Variants in N4BP2L2 observed in about 807,000 individuals in gnomAD.
N4BP2L2 encodes the protein NEDD4 binding protein 2 like 2.
In N4BP2L2, 50 loss-of-function variants were observed where a neutral mutation model predicts 56.2. The observed-to-expected ratio is 0.89, with a 90% CI of 0.71 to 1.13. N4BP2L2 has a LOEUF of 1.13. Among genes scored for constraint, N4BP2L2 ranks in the 50% most tolerant of loss-of-function variants. N4BP2L2 has a pLI of 0.00. For missense variants in N4BP2L2, 689 were observed against 693.8 expected, an observed-to-expected ratio of 0.99 and a Z score of 0.08; for synonymous variants, 203 against 223.6, an observed-to-expected ratio of 0.91 and a Z score of 0.82.
At chr13:32,486,706 T>A (rs1344292960) in intron 6 of N4BP2L2, among the ~76,000 whole-genome samples, 2 of 145,716 alleles carry the variant, frequency 1.4e-5, no homozygotes, top group East Asian at 4.2e-4. Context: ...AACATAATAA[T>A]AAAAATAAAC....
chr13:32,459,648 C>A (rs895228921), intron 6 of N4BP2L2, among the ~76,000 whole-genome samples: 2 of 152,088 alleles, frequency 1.3e-5, no homozygotes, highest in African/African-American at 4.8e-5. Context: ...ACTCTCCCAA[C>A]AAATAAAAGC....
At chr13:32,468,414 G>A (rs2081634190) in intron 6 of N4BP2L2, among the ~76,000 whole-genome samples, 2 of 152,216 alleles carry the variant, frequency 1.3e-5, no homozygotes, top group South Asian at 4.1e-4. Context: ...GACATTGTAA[G>A]ATAAGGCAGC....
intron 3 of N4BP2L2, 134 bp from the exon 4 acceptor site, chr13:32,522,404 T>A: frequency 2.0e-6 from 1 of 495,308 alleles, no homozygotes; most frequent in South Asian, 4.5e-5. Flanking sequence ...TCAGTCAGTA[T>A]CATGAAAAAA....
intron 6 of N4BP2L2, among the ~76,000 whole-genome samples, chr13:32,447,856 C>G (rs554982005): frequency 2.0e-5 from 3 of 152,094 alleles, no homozygotes; most frequent in Admixed American, 1.3e-4. Context: ...CTAATGCTAA[C>G]AACCCACTAT....
intron 4 of N4BP2L2, 98 bp from the exon 5 acceptor site, chr13:32,521,547 C>T: frequency 1.4e-6 from 1 of 730,670 alleles, no homozygotes; most frequent in Non-Finnish European, 2.3e-6. Context: ...ATACTATACA[C>T]TTGCTCGACC....
intron 6 of N4BP2L2, among the ~76,000 whole-genome samples, chr13:32,471,954 G>T (rs1296580718): frequency 6.6e-6 from 1 of 152,176 alleles, no homozygotes; most frequent in East Asian, 1.9e-4. Flanking sequence ...CATCACCCAT[G>T]AACTATTCTT....
intron 6 of N4BP2L2, among the ~76,000 whole-genome samples, chr13:32,495,154 T>G (rs750949728): frequency 5.9e-5 from 9 of 152,192 alleles, no homozygotes; most frequent in Non-Finnish European, 1.0e-4. Context: ...CTATGGATAC[T>G]CAAGAATCCA....
intron 6 of N4BP2L2, among the ~76,000 whole-genome samples, chr13:32,448,204 G>T (rs1344437994): frequency 6.6e-6 from 1 of 152,104 alleles, no homozygotes; most frequent in Non-Finnish European, 1.5e-5. Context: ...TAAGAGACTT[G>T]GTAGTGATGG....
intron 2 of N4BP2L2, among the ~76,000 whole-genome samples, chr13:32,534,265 A>G (rs779978092): frequency 6.6e-6 from 1 of 152,238 alleles, no homozygotes; most frequent in Non-Finnish European, 1.5e-5. Flanking sequence ...CACCTCTACC[A>G]TCTCCCACTA....
chr13:32,478,477 T>C (rs1050960826), intron 6 of N4BP2L2: 2 of 162,150 alleles, frequency 1.2e-5, no homozygotes, highest in Admixed American at 5.8e-5. Flanking sequence ...TTGTTCTTTA[T>C]ACAAGAACAC....
At chr13:32,500,793 G>A (rs940236055) in intron 6 of N4BP2L2, among the ~76,000 whole-genome samples, 1 of 149,732 alleles carries the variant, frequency 6.7e-6, no homozygotes, top group Non-Finnish European at 1.5e-5. Flanking sequence ...ATGTCGTCTT[G>A]TGCCTTCCAA....
chr13:32,506,848 A>G (rs1402106252), downstream of N4BP2L2: 2 of 152,200 alleles, frequency 1.3e-5, no homozygotes, highest in Non-Finnish European at 2.9e-5. Flanking sequence ...CTTAAATATC[A>G]CATTATGATT....
exon 6 of N4BP2L2, chr13:32,514,656 A>G (rs1650688401): frequency 6.6e-6 from 1 of 152,116 alleles, no homozygotes; most frequent in South Asian, 2.1e-4. Flanking sequence ...CAACCCCCAA[A>G]AAAGACTGTC....
chr13:32,531,471 AT>A (rs2054778332), intron 2 of N4BP2L2, among the ~76,000 whole-genome samples: 1 of 152,174 alleles, frequency 6.6e-6, no homozygotes, highest in Non-Finnish European at 1.5e-5. Flanking sequence ...TTTACAAGTG[AT>A]TTTCAAGAAA....
chr13:32,495,528 G>A (rs1001807887), intron 6 of N4BP2L2, among the ~76,000 whole-genome samples: 2 of 152,094 alleles, frequency 1.3e-5, no homozygotes. Context: ...CCCAGACGTG[G>A]GGCAACTCAA....
intron 2 of N4BP2L2, 62 bp from the exon 3 acceptor site, chr13:32,527,594 T>C (rs391612): frequency 0.72 from 1,105,299 of 1,529,642 alleles, 402,049 homozygotes; most frequent in Non-Finnish European, 0.75. Context: ...AGAAATAAAC[T>C]ATCAGAAATA....
intron 6 of N4BP2L2, among the ~76,000 whole-genome samples, chr13:32,457,289 AAGAGT>A (rs1418372224): frequency 6.6e-6 from 1 of 152,204 alleles, no homozygotes; most frequent in Non-Finnish European, 1.5e-5. Context: ...AGGTAAAGAG[AAGAGT>A]AAAGACACAG....
chr13:32,489,073 A>G (rs980448419), intron 6 of N4BP2L2, among the ~76,000 whole-genome samples: 5 of 152,198 alleles, frequency 3.3e-5, no homozygotes, highest in Non-Finnish European at 7.3e-5. Context: ...ACTCTGTCTC[A>G]GAACAAACAA....
At chr13:32,476,294 A>G (rs2083307193) in intron 6 of N4BP2L2, among the ~76,000 whole-genome samples, 1 of 152,230 alleles carries the variant, frequency 6.6e-6, no homozygotes, top group African/African-American at 2.4e-5. Context: ...GAGCAGGCCA[A>G]TAACAATTCC....
Sources: allele counts gnomAD v4.1 joint callset (sites outside exome capture counted in the v4.1 genomes callset), GRCh38; gene constraint gnomAD v4.1.1; transcripts MANE v1.5; gene names NCBI Gene and HGNC (gene_info 2026-07-23, HGNC 2026-07-21).